The following LAMA2 variants were observed in gnomAD, a reference collection of about 807,000 sequenced individuals.
LAMA2 encodes laminin subunit alpha-2.
In LAMA2, 269 loss-of-function variants were observed where a neutral mutation model predicts 364.8. The ratio of observed to expected loss-of-function variants is 0.74; its 90% CI spans 0.67 to 0.82. LAMA2 has a LOEUF of 0.82. LAMA2 is among the 40% of genes least tolerant of loss of function. The pLI is 0.00. For synonymous variants in LAMA2, 1,379 were observed against 1,370.6 expected (o/e 1.01, Z -0.14); for missense variants, 3,807 against 3,873.2 (o/e 0.98, Z 0.45).
At chr6:129,496,184 G>GAGAT (rs1263557842) in intron 58 of LAMA2, among the ~76,000 whole-genome samples, 2 of 152,030 alleles carry the variant, frequency 1.3e-5, no homozygotes, top group African/African-American at 4.8e-5. Context: ...TCTGTTTTTT[G>GAGAT]AGATGGAGTT....
intron 16 of LAMA2, among the ~76,000 whole-genome samples, chr6:129,269,532 A>C: frequency 6.6e-6 from 1 of 151,906 alleles, no homozygotes; most frequent in South Asian, 2.1e-4. Context: ...GAAATAAAAA[A>C]CCCTCTCAAT....
intron 1 of LAMA2, among the ~76,000 whole-genome samples, chr6:128,917,726 C>CTTTTTTTTTTTTTTTT (rs1562827942): frequency 8.9e-6 from 1 of 112,488 alleles, no homozygotes. Flanking sequence ...TTCTTTCTTT[C>CTTTTTTTTTTTTTTTT]TTTCTTTCTT....
At chr6:129,009,827 G>A (rs1784656854) in intron 1 of LAMA2, among the ~76,000 whole-genome samples, 1 of 152,086 alleles carries the variant, frequency 6.6e-6, no homozygotes, top group South Asian at 2.1e-4. Context: ...CTCATAAAAT[G>A]CATGGCTCTG....
Position 128,883,362 on chromosome 6 carries a change from A to C in LAMA2, c.112+5A>C. ...CACAGGCACATCAGCAAAGAGGTAC[A>C]GTCGAGGCATGGGCTTGGGTTGCAT... On this transcript the variant is annotated splice_donor_5th_base_variant and intron_variant, in intron 1 of 64. Coordinates refer to ENST00000421865, the MANE Select transcript of LAMA2 (RefSeq NM_000426.4). The C allele has an allele frequency of 6.3e-7, 1 of 1,589,630 alleles. No individual in the cohort carries two copies. The highest frequency in any genetic ancestry group is 1.3e-5 in the African/African-American group (1 of 74,686).
rs148151002 is a variant in LAMA2 at position 129,234,155 on chromosome 6, A to G, written c.1783-15957A>G. ...GTAAAGGGAACTAAGAACTATTCTT[A>G]CTGGACTCCAATATGAGACTTTATT... On this transcript the variant is annotated intron_variant, in intron 12 of 64. Transcript: ENST00000421865. 1.5e-3 allele frequency among the ~76,000 whole-genome samples: 226 copies of G among 152,314 alleles called. 1 individual carries two copies. The highest frequency in any genetic ancestry group is 4.9e-3 in the African/African-American group (204 of 41,584).
chr6:129,297,971 T>C, intron 21 of LAMA2, 106 bp downstream of exon 21: 1 of 931,558 alleles, frequency 1.1e-6, no homozygotes, highest in Admixed American at 2.0e-5. Context: ...ATACAACGTA[T>C]TTAACATAAT....
At chr6:129,167,656 C>T (rs995409490) in intron 9 of LAMA2, among the ~76,000 whole-genome samples, 17 of 152,178 alleles carry the variant, frequency 1.1e-4, no homozygotes, top group Admixed American at 5.9e-4. Flanking sequence ...GCATGATTTA[C>T]AGTCCTTTGG....
chr6:128,906,579 G>A (rs1777486826), intron 1 of LAMA2, among the ~76,000 whole-genome samples: 12 of 150,930 alleles, frequency 8.0e-5, no homozygotes, highest in Admixed American at 6.6e-4. Context: ...CTCCCATTTT[G>A]TAGGTTGCCT....
chr6:129,504,090 A>T (rs1410684266), intron 60 of LAMA2, among the ~76,000 whole-genome samples: 1 of 152,226 alleles, frequency 6.6e-6, no homozygotes, highest in East Asian at 1.9e-4. Context: ...ATATTATTAG[A>T]TGTTAGATTT....
intron 8 of LAMA2, among the ~76,000 whole-genome samples, chr6:129,162,220 G>A (rs1779480499): frequency 6.6e-6 from 1 of 152,122 alleles, no homozygotes; most frequent in African/African-American, 2.4e-5. Flanking sequence ...AGTATTTTAA[G>A]CTCATGATAT....
At chr6:129,008,355 G>A (rs1368894692) in intron 1 of LAMA2, among the ~76,000 whole-genome samples, 4 of 152,104 alleles carry the variant, frequency 2.6e-5, no homozygotes, top group Non-Finnish European at 5.9e-5. Context: ...GGTAAGAGAT[G>A]TTCATTTTCT....
chr6:129,446,340 G>A (rs1011570703), intron 45 of LAMA2, among the ~76,000 whole-genome samples: 1 of 151,182 alleles, frequency 6.6e-6, no homozygotes, highest in African/African-American at 2.4e-5. Flanking sequence ...TTGTTTTGGA[G>A]TAGATAGGAA....
At chr6:129,410,361 G>A (rs1780469270) in intron 40 of LAMA2, among the ~76,000 whole-genome samples, 1 of 151,224 alleles carries the variant, frequency 6.6e-6, no homozygotes, top group African/African-American at 2.4e-5. Context: ...TAATTCCCAT[G>A]GCAAATGGAG....
chr6:129,125,689 A>C (rs1456872834), intron 4 of LAMA2, among the ~76,000 whole-genome samples: 2 of 152,238 alleles, frequency 1.3e-5, no homozygotes, highest in South Asian at 2.1e-4. Flanking sequence ...AAACAGCGTC[A>C]GGGCAAGGAG....
intron 9 of LAMA2, among the ~76,000 whole-genome samples, chr6:129,171,003 C>CT (rs1158794578): frequency 2.6e-5 from 4 of 151,294 alleles, no homozygotes; most frequent in Non-Finnish European, 5.9e-5. Flanking sequence ...CAACCCCTGC[C>CT]TTTTTTTGTT....
chr6:129,230,238 A>G (rs1200472322), intron 12 of LAMA2, among the ~76,000 whole-genome samples: 1 of 152,170 alleles, frequency 6.6e-6, no homozygotes, highest in Non-Finnish European at 1.5e-5. Context: ...TGAATGAATC[A>G]AGTGATCAAC....
chr6:129,307,384 C>T (rs1473706525), intron 22 of LAMA2, among the ~76,000 whole-genome samples: 1 of 152,194 alleles, frequency 6.6e-6, no homozygotes, highest in East Asian at 1.9e-4. Context: ...CAAGAGAACG[C>T]TTCTGCACAT....
At chr6:128,930,064 C>T (rs953828116) in intron 1 of LAMA2, 8 of 348,206 alleles carry the variant, frequency 2.3e-5, no homozygotes, top group Non-Finnish European at 3.7e-5. Context: ...CCTGCAGGGC[C>T]GGCCGGCAGC....
intron 28 of LAMA2, among the ~76,000 whole-genome samples, chr6:129,324,577 C>T (rs1775160108): frequency 6.6e-6 from 1 of 152,138 alleles, no homozygotes; most frequent in South Asian, 2.1e-4. Flanking sequence ...AGGTGATCTC[C>T]TCATTGTGCA....
Sources: allele counts gnomAD v4.1 joint callset (sites outside exome capture counted in the v4.1 genomes callset), GRCh38; gene constraint gnomAD v4.1.1; transcripts MANE v1.5; gene names NCBI Gene and HGNC (gene_info 2026-07-23, HGNC 2026-07-21).